Variants in STRN observed in about 807,000 individuals in gnomAD.
STRN encodes the protein striatin.
Under a neutral mutation model 96.3 loss-of-function variants are expected in STRN, and 53 were observed. That is an observed-to-expected ratio of 0.55 (90% CI 0.44 to 0.69). The LOEUF (loss-of-function observed/expected upper bound fraction) is 0.69. Among genes scored for constraint, STRN ranks in the 30% least tolerant of loss-of-function variants. The probability of loss-of-function intolerance (pLI) is 0.00; values close to 1 mark genes in which losing one functional copy is unlikely to be tolerated. For missense variants in STRN, 987 were observed against 963.9 expected (o/e 1.02, Z -0.32); for synonymous variants, 428 against 355.9 (o/e 1.20, Z -2.28).
rs1354816471 is a variant in STRN, at chr2:36,842,629, C to T, written c.*6827G>A. The T allele has an allele frequency of 6.6e-6, 1 of 152,118 alleles. No homozygotes were observed. The highest frequency in any genetic ancestry group is 2.4e-5 in the African/African-American group (1 of 41,416). 9.4% of individuals were successfully genotyped at this position (152,118 alleles called of 1,614,324 possible). On this transcript the variant is annotated 3_prime_UTR_variant, in exon 18 of 18. Transcript: ENST00000263918. ...ATGACTTCCAATCTAACTGAAACTA[C>T]CATTACCTTTAGTGAAATATCAATT...
intron 3 of STRN, among the ~76,000 whole-genome samples, chr2:36,910,167 T>A (rs1392026598): frequency 7.1e-6 from 1 of 140,592 alleles, no homozygotes; most frequent in Non-Finnish European, 1.5e-5. Flanking sequence ...GAGCGAGACT[T>A]TGTCTCAAAA....
chr2:36,909,033 G>T (rs1002030112), intron 3 of STRN, among the ~76,000 whole-genome samples: 1 of 151,498 alleles, frequency 6.6e-6, no homozygotes, highest in African/African-American at 2.4e-5. Flanking sequence ...GCGCATGCGT[G>T]TAATCCCAGC....
rs13419776 is a variant in STRN, at chr2:36,934,343, T to C, written c.235-9135A>G. ...TAAAGTTGAAAAGGATATTAACTTG[T>C]AGAATATGCGTACATGTAAGAAACA... On this transcript the variant is annotated intron_variant, in intron 1 of 17. Transcript: ENST00000263918. Among the ~76,000 whole-genome samples the C allele has an allele frequency of 9.3e-3, 1,421 of 152,290 alleles. 26 individuals carry two copies. Among genetic ancestry groups the C allele is most frequent in the African/African-American group, 0.033 (1,361 of 41,542 alleles).
At chr2:36,893,572 C>A (rs1406701628) in intron 7 of STRN, among the ~76,000 whole-genome samples, 2 of 152,172 alleles carry the variant, frequency 1.3e-5, no homozygotes, top group African/African-American at 4.8e-5. Context: ...CAAAAATCCT[C>A]CAACTAAAGT....
intron 15 of STRN, 99 bp downstream of exon 15, chr2:36,855,113 C>A: frequency 7.9e-7 from 1 of 1,268,312 alleles, no homozygotes; most frequent in South Asian, 1.5e-5. Flanking sequence ...AGACAGAAAG[C>A]TTTATAATGA....
At chr2:36,864,975 A>G (rs1467868959) in intron 12 of STRN, among the ~76,000 whole-genome samples, 2 of 152,178 alleles carry the variant, frequency 1.3e-5, no homozygotes, top group East Asian at 1.9e-4. Context: ...TTGACCTCCC[A>G]AAGTGCTGGG....
intron 6 of STRN, among the ~76,000 whole-genome samples, chr2:36,896,966 G>A (rs1669556085): frequency 1.3e-5 from 2 of 152,024 alleles, no homozygotes; most frequent in Non-Finnish European, 1.5e-5. Flanking sequence ...TCAGGAGTTC[G>A]AGACCAGCCT....
chr2:36,950,215 T>G (rs1664719896), intron 1 of STRN, among the ~76,000 whole-genome samples: 3 of 130,518 alleles, frequency 2.3e-5, no homozygotes, highest in Admixed American at 7.3e-5. Flanking sequence ...TTGGTTTTGT[T>G]TTTTTTTTTT....
At chr2:36,854,984 C>G (rs1439657344) in intron 15 of STRN, among the ~76,000 whole-genome samples, 1 of 152,048 alleles carries the variant, frequency 6.6e-6, no homozygotes, top group African/African-American at 2.4e-5. Context: ...TAAAACTTGA[C>G]CCATAACAGC....
At chr2:36,961,941 C>T (rs759270916) in intron 1 of STRN, among the ~76,000 whole-genome samples, 12 of 152,162 alleles carry the variant, frequency 7.9e-5, no homozygotes, top group Non-Finnish European at 1.6e-4. Context: ...AAAGCTCTTT[C>T]CTCACCTTAG....
chr2:36,882,686 C>T (rs1669106390), intron 9 of STRN, among the ~76,000 whole-genome samples: 1 of 152,074 alleles, frequency 6.6e-6, no homozygotes, highest in African/African-American at 2.4e-5. Flanking sequence ...GAAGTATCAC[C>T]TGAGCCTGAG....
At chr2:36,925,081 C>A in intron 2 of STRN, 24 bp downstream of exon 2, 3 of 1,580,670 alleles carry the variant, frequency 1.9e-6, no homozygotes, top group Admixed American at 1.7e-5. Context: ...AAAAAGAACA[C>A]CACTTTTCAT....
intron 1 of STRN, among the ~76,000 whole-genome samples, chr2:36,930,327 G>C (rs1324896165): frequency 6.6e-6 from 1 of 152,018 alleles, no homozygotes; most frequent in East Asian, 1.9e-4. Flanking sequence ...AGCTACTCAG[G>C]AGGCTGAGAC....
intron 5 of STRN, among the ~76,000 whole-genome samples, chr2:36,899,982 A>G (rs570135331): frequency 2.4e-4 from 37 of 152,052 alleles, no homozygotes; most frequent in Non-Finnish European, 4.6e-4. Flanking sequence ...TCCGCCTCCC[A>G]GGTTCATGCA....
chr2:36,914,172 G>A (rs1159705067), intron 3 of STRN, among the ~76,000 whole-genome samples: 1 of 151,996 alleles, frequency 6.6e-6, no homozygotes, highest in Non-Finnish European at 1.5e-5. Context: ...TAATTTTTTG[G>A]CAGAGACAGG....
chr2:36,932,144 T>A (rs1190302134), intron 1 of STRN, among the ~76,000 whole-genome samples: 1 of 151,778 alleles, frequency 6.6e-6, no homozygotes, highest in Non-Finnish European at 1.5e-5. Flanking sequence ...TAATCTGGTA[T>A]TTATTCTACA....
intron 16 of STRN, 45 bp from the exon 17 acceptor site, chr2:36,849,845 T>A (rs1326145565): frequency 1.3e-6 from 2 of 1,578,934 alleles, no homozygotes; most frequent in East Asian, 2.2e-5. Context: ...CCTTTCCTCA[T>A]CTTCAATATT....
intron 1 of STRN, among the ~76,000 whole-genome samples, chr2:36,954,299 C>G (rs902854568): frequency 1.3e-5 from 2 of 151,798 alleles, no homozygotes; most frequent in Admixed American, 1.3e-4. Context: ...TCACTTGAGG[C>G]CAGGAGTTCA....
chr2:36,881,368 T>A (rs1328812378), intron 9 of STRN, among the ~76,000 whole-genome samples: 2 of 152,122 alleles, frequency 1.3e-5, no homozygotes, highest in Non-Finnish European at 2.9e-5. Flanking sequence ...CCTCAAGTGA[T>A]CTGCCCACCT....
Sources: allele counts gnomAD v4.1 joint callset (sites outside exome capture counted in the v4.1 genomes callset), GRCh38; gene constraint gnomAD v4.1.1; transcripts MANE v1.5; gene names NCBI Gene and HGNC (gene_info 2026-07-23, HGNC 2026-07-21).